The following CINP variants were observed in gnomAD, a reference collection of about 807,000 sequenced individuals.
The protein encoded by CINP is cyclin-dependent kinase 2-interacting protein.
Under a neutral mutation model 20.5 loss-of-function variants are expected in CINP, and 11 were observed. That is an observed-to-expected ratio of 0.54 (90% CI 0.34 to 0.89). The LOEUF (loss-of-function observed/expected upper bound fraction) is 0.89. Among genes scored for constraint, CINP ranks in the 40% least tolerant of loss-of-function variants. The pLI, the probability that CINP is intolerant of heterozygous loss-of-function variation, is 0.02. For missense variants in CINP, 213 were observed against 251.0 expected (o/e 0.85, Z 1.02); for synonymous variants, 108 against 102.1 (o/e 1.06, Z -0.35).
At chr14:102,362,687 A>C (rs1438974622) in intron 1 of CINP, 158 bp downstream of exon 1, 1 of 939,126 alleles carries the variant, frequency 1.1e-6, no homozygotes, top group Non-Finnish European at 1.7e-6. Context: ...CAGCTCGCAG[A>C]GGCTGCGAGG....
chr14:102,351,230 A>G lies in CINP; in HGVS notation c.307-1182T>C, dbSNP rs1886860842. ...CCCTACACACTTCACGCAGAAAGGAAGGAAACGTGGCAAGCTGCCATTGAC... is the reference window on the plus strand; with the variant it reads ...CCCTACACACTTCACGCAGAAAGGAGGGAAACGTGGCAAGCTGCCATTGAC... On this transcript the variant is annotated intron_variant, in intron 3 of 4. Coordinates refer to ENST00000216756, the MANE Select transcript of CINP (RefSeq NM_032630.3). The surrounding 1 kb of genome is among the most constrained non-coding windows in gnomAD (Gnocchi z 4.2). Among the ~76,000 whole-genome samples the G allele has an allele frequency of 6.6e-6, 1 of 152,218 alleles. No homozygotes were observed. Among genetic ancestry groups the G allele is most frequent in the Non-Finnish European group, 1.5e-5 (1 of 68,038 alleles).
chr14:102,348,353 G>A lies in CINP; in HGVS notation c.*204C>T. The A allele has an allele frequency of 1.7e-6, 1 of 578,190 alleles. No individual in the cohort carries two copies. The highest frequency in any genetic ancestry group is 3.1e-6 in the Non-Finnish European group (1 of 324,216). The allele number at this position is 578,190 out of a possible 1,614,324, so 35.8% of individuals were successfully genotyped here. Reference sequence around the variant, plus strand: ...ACAGATTCCCAGGAGGGGCAGAGAAGGCTGAGCAGCACCACGTGGGGCTGG... The same window carrying A: ...ACAGATTCCCAGGAGGGGCAGAGAAAGCTGAGCAGCACCACGTGGGGCTGG... On this transcript the variant is annotated 3_prime_UTR_variant, in exon 5 of 5. Coordinates refer to ENST00000216756, the MANE Select transcript of CINP (RefSeq NM_032630.3).
chr14:102,353,098 C>T (rs1886907088), intron 3 of CINP, among the ~76,000 whole-genome samples: 1 of 151,010 alleles, frequency 6.6e-6, no homozygotes, highest in Non-Finnish European at 1.5e-5. Context: ...GATCACCCCA[C>T]TGCACTCCAG....
At chr14:102,357,068 T>C (rs944617856) in intron 2 of CINP, among the ~76,000 whole-genome samples, 4 of 152,154 alleles carry the variant, frequency 2.6e-5, no homozygotes, top group African/African-American at 9.7e-5. Flanking sequence ...TTAAGCTTAG[T>C]GAGGAAGGCA....
chr14:102,348,873 G>T, intron 4 of CINP, 114 bp from the exon 5 acceptor site: 3 of 930,262 alleles, frequency 3.2e-6, no homozygotes, highest in Non-Finnish European at 3.3e-6. Context: ...CAACAGCACT[G>T]AGGGGAAGAA....
In CINP at chr14:102,359,411, G is replaced by A; in HGVS notation, c.176+8C>T. The A allele has an allele frequency of 6.3e-7, 1 of 1,580,840 alleles. No individual in the cohort carries two copies. Among genetic ancestry groups the A allele is most frequent in the Non-Finnish European group, 8.6e-7 (1 of 1,160,706 alleles). On this transcript the variant is annotated splice_region_variant and intron_variant, in intron 2 of 4. Transcript: ENST00000216756. ...AACTTAGAGCATGAAAAACCAATAT[G>A]TACTTACAATAAACTGATTTTCAAG...
At chr14:102,360,291 C>T (rs769327583) in intron 1 of CINP, among the ~76,000 whole-genome samples, 2 of 152,116 alleles carry the variant, frequency 1.3e-5, no homozygotes, top group African/African-American at 2.4e-5. Flanking sequence ...CTCAGGCTCA[C>T]GATGCCCATC....
chr14:102,358,722 A>C (rs936060711), intron 2 of CINP, among the ~76,000 whole-genome samples: 4 of 152,122 alleles, frequency 2.6e-5, no homozygotes, highest in Admixed American at 6.6e-5. Flanking sequence ...GTGAGATATA[A>C]AGGAAACAAT....
intron 2 of CINP, among the ~76,000 whole-genome samples, chr14:102,357,723 A>G (rs1367168050): frequency 6.6e-6 from 1 of 152,266 alleles, no homozygotes; most frequent in African/African-American, 2.4e-5. Flanking sequence ...TTTAAGGACA[A>G]AAGCCATCTC....
At chr14:102,358,680 CAAAAATA>C (rs530369665) in intron 2 of CINP, among the ~76,000 whole-genome samples, 342 of 150,356 alleles carry the variant, frequency 2.3e-3, no homozygotes, top group African/African-American at 7.7e-3. Context: ...GACTCGTCTC[CAAAAATA>C]AAAAATAAAA....
intron 2 of CINP, among the ~76,000 whole-genome samples, chr14:102,357,928 C>T (rs909432964): frequency 6.6e-6 from 1 of 152,206 alleles, no homozygotes; most frequent in Non-Finnish European, 1.5e-5. Context: ...CAATGACAGG[C>T]TTCAAAGCTT....
At chr14:102,354,014 A>G (rs1886936275) in intron 3 of CINP, among the ~76,000 whole-genome samples, 1 of 152,228 alleles carries the variant, frequency 6.6e-6, no homozygotes, top group Non-Finnish European at 1.5e-5. Context: ...ACTTAAGCCC[A>G]GGAAGTAAAG....
chr14:102,357,105 G>A (rs533964139), intron 2 of CINP, among the ~76,000 whole-genome samples: 1 of 152,310 alleles, frequency 6.6e-6, no homozygotes, highest in East Asian at 1.9e-4. Flanking sequence ...AAGGGGCCAG[G>A]TGCGGTGGCT....
At chr14:102,358,082 C>A (rs1056198746) in intron 2 of CINP, among the ~76,000 whole-genome samples, 1 of 152,122 alleles carries the variant, frequency 6.6e-6, no homozygotes, top group African/African-American at 2.4e-5. Flanking sequence ...AGCAAGAGAA[C>A]CAGAACTGGA....
intron 1 of CINP, among the ~76,000 whole-genome samples, chr14:102,361,713 G>T (rs944003970): frequency 6.6e-6 from 1 of 150,596 alleles, no homozygotes; most frequent in African/African-American, 2.4e-5. Context: ...TATTAGCTTG[G>T]TGCAAAAGTA....
intron 4 of CINP, 24 bp from the exon 5 acceptor site, chr14:102,348,783 T>C: frequency 6.3e-7 from 1 of 1,596,718 alleles, no homozygotes; most frequent in South Asian, 1.1e-5. Flanking sequence ...GAATCTCCCT[T>C]AATGGCAGTG....
Position 102,362,832 on chromosome 14 carries a change from C to G in CINP, c.7+13G>C. On this transcript the variant is annotated intron_variant, in intron 1 of 4. Transcript: ENST00000216756. ...AGCCACCCCACCCCGGGAAAGGAAC[C>G]GATCTCACGCACCTTCCATAAGGTC... The G allele has an allele frequency of 2.5e-6, 4 of 1,614,104 alleles. No individual in the cohort carries two copies. Among genetic ancestry groups the G allele is most frequent in the Non-Finnish European group, 1.7e-6 (2 of 1,179,956 alleles).
chr14:102,348,366 C>G lies in CINP; in HGVS notation c.*191G>C. 1 of 587,624 alleles carries G rather than the reference C, an allele frequency of 1.7e-6. No individual in the cohort carries two copies. Among genetic ancestry groups the G allele is most frequent in the Non-Finnish European group, 3.0e-6 (1 of 331,024 alleles). 36.4% of individuals were successfully genotyped at this position (587,624 alleles called of 1,614,324 possible). The stretch of plus-strand genomic sequence containing the variant: ...AGGGGCAGAGAAGGCTGAGCAGCAC[C>G]ACGTGGGGCTGGCCGCGGGTTGTGG... On this transcript the variant is annotated 3_prime_UTR_variant, in exon 5 of 5. Coordinates refer to ENST00000216756, the MANE Select transcript of CINP (RefSeq NM_032630.3).
intron 3 of CINP, among the ~76,000 whole-genome samples, chr14:102,354,701 G>A (rs960163172): frequency 3.3e-5 from 5 of 152,212 alleles, no homozygotes; most frequent in Admixed American, 6.5e-5. Context: ...AGGTTGCAGT[G>A]AGCCAAGATC....
Sources: gnomAD v4.1 joint callset for allele counts (sites outside exome capture counted in the v4.1 genomes callset) on GRCh38, gnomAD v4.1.1 for gene constraint, Gnocchi (gnomAD v3.1) non-coding constraint, MANE v1.5 for transcripts, NCBI Gene and HGNC (gene_info 2026-07-23, HGNC 2026-07-21) for gene names.